Variants in ABCA13 observed in about 807,000 individuals in gnomAD.
The protein encoded by ABCA13 is ATP binding cassette subfamily A member 13, also known as ATP-binding cassette sub-family A member 13.
Under a neutral mutation model 478.7 loss-of-function variants are expected in ABCA13, and 476 were observed. The ratio of observed to expected loss-of-function variants is 0.99; its 90% CI spans 0.92 to 1.07. The LOEUF (loss-of-function observed/expected upper bound fraction) is 1.07, where lower values mean the gene tolerates loss of function less well. Among genes scored for constraint, ABCA13 ranks in the 50% least tolerant of loss-of-function variants. The probability of loss-of-function intolerance (pLI) is 0.00; values close to 1 mark genes in which losing one functional copy is unlikely to be tolerated. For missense variants in ABCA13, 6,060 were observed against 5,910.6 expected (o/e 1.03, Z -0.83); for synonymous variants, 2,252 against 2,158.9 (o/e 1.04, Z -1.20).
chr7:48,462,443 T>TCC (rs547024143), intron 43 of ABCA13, among the ~76,000 whole-genome samples: 7,536 of 148,222 alleles, frequency 0.051, 272 homozygotes, highest in Admixed American at 0.12. Flanking sequence ...AGTAAAGGAT[T>TCC]CCCCCCCCCC....
At chr7:48,521,576 A>C (rs1156390894) in intron 53 of ABCA13, among the ~76,000 whole-genome samples, 1 of 152,036 alleles carries the variant, frequency 6.6e-6, no homozygotes, top group East Asian at 1.9e-4. Context: ...CTTTAAACAT[A>C]ATTTGTTCTC....
chr7:48,240,610 C>G (rs1790686913), intron 9 of ABCA13, among the ~76,000 whole-genome samples: 1 of 152,234 alleles, frequency 6.6e-6, no homozygotes, highest in South Asian at 2.1e-4. Context: ...TCCCTTCTCT[C>G]TTTTTCTCTT....
intron 58 of ABCA13, among the ~76,000 whole-genome samples, chr7:48,597,031 A>C (rs1181620566): frequency 6.6e-6 from 1 of 151,124 alleles, no homozygotes; most frequent in Non-Finnish European, 1.5e-5. Flanking sequence ...GGCTCACTGC[A>C]AGCTCCGCCT....
chr7:48,426,792 T>C (rs146874709), intron 41 of ABCA13, among the ~76,000 whole-genome samples: 38 of 152,296 alleles, frequency 2.5e-4, no homozygotes, highest in African/African-American at 8.9e-4. Flanking sequence ...ACATGAATAA[T>C]AGAAGACTTA....
At chr7:48,369,131 G>C in intron 32 of ABCA13, among the ~76,000 whole-genome samples, 1 of 152,032 alleles carries the variant, frequency 6.6e-6, no homozygotes. Flanking sequence ...TTGTGGTTTT[G>C]ATTTGCACTT....
intron 58 of ABCA13, among the ~76,000 whole-genome samples, chr7:48,595,119 C>T (rs537908761): frequency 2.0e-5 from 3 of 152,304 alleles, no homozygotes; most frequent in African/African-American, 7.2e-5. Flanking sequence ...TGCTAGACTA[C>T]CATTTTCAGG....
At chr7:48,222,684 G>A (rs975439006) in intron 5 of ABCA13, among the ~76,000 whole-genome samples, 1 of 152,042 alleles carries the variant, frequency 6.6e-6, no homozygotes, top group African/African-American at 2.4e-5. Context: ...AAAACATTTC[G>A]GTGCAAAGAA....
At position 48,227,386 on chromosome 7, in the gene ABCA13, G is replaced by A. The variant is rs770047230; in HGVS notation, c.593G>A (p.Gly198Asp). ...ACAAGCCATGATCATGTGGAAGATG[G>A]CATGGATGTTGCAGTGAACCTTCTC... ...LHTSHDHVED[G>D]MDVAVNLLQT... The change falls in exon 6 of 62, where the codon GGC becomes GAC. Residue 198 changes from glycine to aspartate, a missense_variant. Gly to Asp is a moderately conservative substitution (Grantham distance 94, BLOSUM62 -1). Transcript: ENST00000435803. 7 of 1,613,772 alleles carry A rather than the reference G, an allele frequency of 4.3e-6. No individual in the cohort carries two copies. The Admixed American group carries it at 8.3e-5, about 19-fold the overall frequency.
intron 55 of ABCA13, among the ~76,000 whole-genome samples, chr7:48,545,007 T>A (rs1237508853): frequency 1.3e-5 from 2 of 151,882 alleles, no homozygotes; most frequent in Admixed American, 6.6e-5. Context: ...GTCACAGAAG[T>A]CTTGTGTTGA....
intron 1 of ABCA13, among the ~76,000 whole-genome samples, chr7:48,173,927 T>G (rs1186639529): frequency 6.6e-6 from 1 of 152,158 alleles, no homozygotes; most frequent in African/African-American, 2.4e-5. Flanking sequence ...CCGTGGGCTG[T>G]GAGGAGAGGA....
chr7:48,531,344 G>A (rs996380251), intron 55 of ABCA13, among the ~76,000 whole-genome samples: 2 of 151,990 alleles, frequency 1.3e-5, no homozygotes, highest in Non-Finnish European at 2.9e-5. Context: ...TGTTCCATTC[G>A]TCTATGTGCC....
chr7:48,622,923 C>T (rs185030680), intron 59 of ABCA13, among the ~76,000 whole-genome samples: 35 of 152,238 alleles, frequency 2.3e-4, no homozygotes, highest in African/African-American at 8.2e-4. Context: ...ATTTGAACCC[C>T]AGCATTCTGG....
intron 23 of ABCA13, among the ~76,000 whole-genome samples, chr7:48,299,012 C>G (rs1799782683): frequency 6.6e-6 from 1 of 152,096 alleles, no homozygotes; most frequent in South Asian, 2.1e-4. Context: ...ATAAAACAAT[C>G]AAAGAGCTAC....
chr7:48,317,089 T>A (rs1802702363), intron 26 of ABCA13, 68 bp from the exon 27 acceptor site: 1 of 1,528,358 alleles, frequency 6.5e-7, no homozygotes, highest in Non-Finnish European at 8.7e-7. Flanking sequence ...GATATGTGAA[T>A]GAATTTCCCT....
chr7:48,414,511 A>T lies in ABCA13; in HGVS notation c.12459+1928A>T, dbSNP rs192528051. Among the ~76,000 whole-genome samples, 903 of 150,858 alleles carry T rather than the reference A, an allele frequency of 6.0e-3. 2 individuals carry two copies. The highest frequency in any genetic ancestry group is 9.2e-3 in the Non-Finnish European group (625 of 67,752). ...CATCCAGCTATATTTTTAATATAAA[A>T]TGAATATTTTATTATTTAATAAAAT... On this transcript the variant is annotated intron_variant, in intron 41 of 61. Coordinates refer to ENST00000435803, the MANE Select transcript of ABCA13 (RefSeq NM_152701.5).
intron 27 of ABCA13, among the ~76,000 whole-genome samples, chr7:48,329,821 C>G (rs978251942): frequency 3.9e-5 from 6 of 151,948 alleles, no homozygotes; most frequent in Admixed American, 3.3e-4. Context: ...ATCCACACAT[C>G]TATTCATTCA....
chr7:48,644,646 T>C lies in ABCA13; in HGVS notation c.14973T>C (p.His4991=), dbSNP rs755061493. The C allele has an allele frequency of 6.2e-7, 1 of 1,611,078 alleles. No individual in the cohort carries two copies. The highest frequency in any genetic ancestry group is 8.5e-7 in the Non-Finnish European group (1 of 1,178,806). Residue 4991 remains histidine, a synonymous_variant, in exon 61 of 62, where the codon CAT becomes CAC. Transcript: ENST00000435803. The part of the protein sequence containing the change: ...KGQHLNLLEY[H]VPKRWGCLAD... ...AGCACCTGAATTTATTAGAATATCA[T>C]GTGCCAAAAAGATGGGGATGCCTAG...
intron 15 of ABCA13, among the ~76,000 whole-genome samples, chr7:48,252,754 G>C (rs576208999): frequency 1.3e-5 from 2 of 152,194 alleles, no homozygotes; most frequent in African/African-American, 4.8e-5. Context: ...CCATATTTAA[G>C]GTAGTTGTTT....
Position 48,576,482 on chromosome 7 carries a change from C to A in ABCA13, c.14355-3742C>A, listed in dbSNP as rs187773132. ...TAATTATATAGAAGTATGCCCAGAC[C>A]TCTGTAAGCATTAGAAAGACCAGCC... On this transcript the variant is annotated intron_variant, in intron 55 of 61. Coordinates refer to ENST00000435803, the MANE Select transcript of ABCA13 (RefSeq NM_152701.5). Among the ~76,000 whole-genome samples the A allele has an allele frequency of 7.9e-5, 12 of 152,242 alleles. No individual in the cohort carries two copies. In the East Asian group the frequency reaches 2.1e-3, roughly 27 times the overall value.
Sources: allele counts gnomAD v4.1 joint callset (sites outside exome capture counted in the v4.1 genomes callset), GRCh38; gene constraint gnomAD v4.1.1; transcripts MANE v1.5; gene names NCBI Gene and HGNC (gene_info 2026-07-23, HGNC 2026-07-21).